LYSMD3: variants seen among roughly 807,000 people sequenced by gnomAD.
The protein encoded by LYSMD3 is lysM and putative peptidoglycan-binding domain-containing protein 3.
LYSMD3 carries 13 observed loss-of-function variants against 26.1 expected under a neutral mutation model. That is an observed-to-expected ratio of 0.50 (90% CI 0.32 to 0.79). The LOEUF (loss-of-function observed/expected upper bound fraction) is 0.79. LYSMD3 is among the 30% of genes least tolerant of loss of function. The pLI is 0.03. For synonymous variants in LYSMD3, 109 were observed against 119.4 expected (o/e 0.91, Z 0.57); for missense variants, 331 against 362.5 (o/e 0.91, Z 0.71).
At chr5:90,524,989 A>T in intron 2 of LYSMD3, 46 bp downstream of exon 2, 1 of 1,440,796 alleles carries the variant, frequency 6.9e-7, no homozygotes, top group Non-Finnish European at 9.4e-7. Context: ...AGTGTGCGTA[A>T]ACAAATAATT....
At position 90,519,398 on chromosome 5, in the gene LYSMD3, G is replaced by A; in HGVS notation, c.342C>T (p.Phe114=). The change falls in exon 3 of 3, where the codon TTC becomes TTT. Residue 114 remains phenylalanine (F), a synonymous_variant. Transcript: ENST00000315948. The part of the protein sequence containing the change: ...LRSIKIPVKK[F]SSLTETLCPP... Reference sequence around the variant, plus strand: ...GACAAAGTGTTTCGGTCAAGGAACTGAACTTTTTTACTGGAATTTTGATAG... The same window carrying A: ...GACAAAGTGTTTCGGTCAAGGAACTAAACTTTTTTACTGGAATTTTGATAG... 1.2e-6 allele frequency: 2 copies of A among 1,613,872 alleles called. No individual in the cohort carries two copies. Among genetic ancestry groups the A allele is most frequent in the Non-Finnish European group, 8.5e-7 (1 of 1,179,918 alleles).
At position 90,518,032 on chromosome 5, in the gene LYSMD3, A is replaced by T. The variant is rs1752991188; in HGVS notation, c.*787T>A. The T allele has an allele frequency of 6.6e-6, 1 of 152,548 alleles. No individual in the cohort carries two copies. The highest frequency in any genetic ancestry group is 2.4e-5 in the African/African-American group (1 of 41,444). The allele number at this position is 152,548 out of a possible 1,614,324, so 9.4% of individuals were successfully genotyped here. A position where few individuals can be genotyped will look rare whatever the true frequency, so the allele number is the denominator to read the frequency against. ...TAAATAATGGTAATATGCACGTTTA[A>T]TATATTTTTCATCATCAAAACTACA... On this transcript the variant is annotated 3_prime_UTR_variant, in exon 3 of 3. Transcript: ENST00000315948.
intron 2 of LYSMD3, among the ~76,000 whole-genome samples, chr5:90,521,823 TCA>T (rs1753095495): frequency 6.6e-6 from 1 of 152,176 alleles, no homozygotes; most frequent in South Asian, 2.1e-4. Context: ...ATTCTTCTCA[TCA>T]CAGTTGTATA....
intron 2 of LYSMD3, among the ~76,000 whole-genome samples, chr5:90,522,183 C>G (rs1480661543): frequency 6.6e-6 from 1 of 152,096 alleles, no homozygotes; most frequent in African/African-American, 2.4e-5. Context: ...TGTGTGGAAC[C>G]TCCTCCCTCA....
At position 90,525,226 on chromosome 5, in the gene LYSMD3, G is replaced by T; in HGVS notation, c.64C>A (p.His22Asn). 6.2e-7 allele frequency: 1 copy of T among 1,613,776 alleles called. No homozygotes were observed. Among genetic ancestry groups the T allele is most frequent in the East Asian group, 2.2e-5 (1 of 44,840 alleles). The change falls in exon 2 of 3, where the codon CAT (histidine) becomes AAT (asparagine). Residue 22 changes from histidine to asparagine, a missense_variant. This residue lies in a region of LYSMD3 where 262 missense variants were observed against 267.3 expected (regional missense o/e 0.98). Transcript: ENST00000315948. ...LPGVQSSGQV[H>N]AFGNCSDSDI... Reference sequence around the variant, plus strand: ...CTGTCTGAACAATTTCCAAATGCATGTACTTGACCACTTGACTGAACTCCT... The same window carrying T: ...CTGTCTGAACAATTTCCAAATGCATTTACTTGACCACTTGACTGAACTCCT...
At chr5:90,528,251 G>A (rs59914982) in intron 1 of LYSMD3, among the ~76,000 whole-genome samples, 3,996 of 152,020 alleles carry the variant, frequency 0.026, 173 homozygotes, top group African/African-American at 0.092. Context: ...ATTCTCAAAA[G>A]GCATCCATGA....
chr5:90,519,495 G>GC lies in LYSMD3; in HGVS notation c.256-12_256-11insG. On this transcript the variant is annotated splice_polypyrimidine_tract_variant and intron_variant, in intron 2 of 2. Coordinates refer to ENST00000315948, the MANE Select transcript of LYSMD3 (RefSeq NM_198273.2). ...CTTGATATCTGCTACCTGTGGGGGG[G>GC]AAAAAAAAGCAACATACAACTGAAT... 1 of 1,556,546 alleles carries GC rather than the reference G, an allele frequency of 6.4e-7. No individual in the cohort carries two copies. The highest frequency in any genetic ancestry group is 8.7e-7 in the Non-Finnish European group (1 of 1,152,112).
intron 1 of LYSMD3, among the ~76,000 whole-genome samples, chr5:90,527,541 G>C (rs1580235549): frequency 6.6e-6 from 1 of 151,892 alleles, no homozygotes; most frequent in African/African-American, 2.4e-5. Context: ...TTTTCCACAA[G>C]GGTGGCTGAG....
intron 2 of LYSMD3, among the ~76,000 whole-genome samples, 196 bp from the exon 3 acceptor site, chr5:90,519,680 TCAC>T (rs1169810133): frequency 1.3e-5 from 2 of 152,150 alleles, no homozygotes; most frequent in Non-Finnish European, 2.9e-5. Context: ...TCTTAGGAAA[TCAC>T]CAACTACTTT....
In LYSMD3 at chr5:90,518,861, A is replaced by G; in HGVS notation, c.879T>C (p.Tyr293=). ...HFSQQDDHKL[Y]SQDSQSPAAQ... ...CAGCAGGTGACTGAGAATCTTGACT[A>G]TACAGTTTATGATCATCTTGTTGGC... The change falls in exon 3 of 3, where the codon TAT becomes TAC. Residue 293 remains tyrosine, a synonymous_variant. Transcript: ENST00000315948. 1 of 1,613,870 alleles carries G rather than the reference A, an allele frequency of 6.2e-7. No individual in the cohort carries two copies. Among genetic ancestry groups the G allele is most frequent in the Non-Finnish European group, 8.5e-7 (1 of 1,179,874 alleles).
chr5:90,522,185 C>G (rs982844380), intron 2 of LYSMD3, among the ~76,000 whole-genome samples: 7 of 152,162 alleles, frequency 4.6e-5, no homozygotes, highest in Non-Finnish European at 8.8e-5. Flanking sequence ...TGTGGAACCT[C>G]CTCCCTCACT....
intron 2 of LYSMD3, among the ~76,000 whole-genome samples, chr5:90,521,416 G>A (rs958740591): frequency 5.9e-5 from 9 of 152,068 alleles, no homozygotes; most frequent in African/African-American, 1.7e-4. Flanking sequence ...AGAATCCACT[G>A]TAGATTCGTG....
chr5:90,525,012 C>T, intron 2 of LYSMD3, 23 bp downstream of exon 2: 1 of 1,520,604 alleles, frequency 6.6e-7, no homozygotes, highest in African/African-American at 1.4e-5. Flanking sequence ...TTCTGAATTG[C>T]ATTATGTAAT....
intron 1 of LYSMD3, 132 bp from the exon 2 acceptor site, chr5:90,525,432 T>C: frequency 1.0e-6 from 1 of 952,860 alleles, no homozygotes; most frequent in Non-Finnish European, 1.5e-6. Context: ...ACATTTAGGT[T>C]TAAGTTCGTT....
At position 90,519,503 on chromosome 5, in the gene LYSMD3, A is replaced by G. The variant is rs1753038582; in HGVS notation, c.256-19T>C. 6.3e-7 allele frequency: 1 copy of G among 1,583,060 alleles called. No individual in the cohort carries two copies. The highest frequency in any genetic ancestry group is 8.6e-7 in the Non-Finnish European group (1 of 1,167,792). ...CTGCTACCTGTGGGGGGGAAAAAAA[A>G]GCAACATACAACTGAATTCCAATCA... On this transcript the variant is annotated intron_variant, in intron 2 of 2. Transcript: ENST00000315948.
In LYSMD3 at chr5:90,518,760, C is replaced by G; in HGVS notation, c.*59G>C. The G allele has an allele frequency of 6.9e-7, 1 of 1,445,564 alleles. No homozygotes were observed. The highest frequency in any genetic ancestry group is 2.3e-5 in the East Asian group (1 of 43,636). 89.5% of individuals were successfully genotyped at this position (1,445,564 alleles called of 1,614,324 possible). ...CCTTTGAAGCTATTATTGGATATAACTGATTCACCACATTCCAGATGCACA... is the reference window on the plus strand; with the variant it reads ...CCTTTGAAGCTATTATTGGATATAAGTGATTCACCACATTCCAGATGCACA... On this transcript the variant is annotated 3_prime_UTR_variant, in exon 3 of 3. Transcript: ENST00000315948.
chr5:90,518,110 C>T lies in LYSMD3; in HGVS notation c.*709G>A, dbSNP rs1283023027. On this transcript the variant is annotated 3_prime_UTR_variant, in exon 3 of 3. Transcript: ENST00000315948. ...TATAATCATTTTAAAAACAGATGCA[C>T]AGAGGTGAGGTTAAAGGGTCTGTCC... The T allele has an allele frequency of 6.6e-6, 1 of 152,132 alleles. No individual in the cohort carries two copies. The highest frequency in any genetic ancestry group is 1.9e-4 in the East Asian group (1 of 5,200). The allele number at this position is 152,132 out of a possible 1,614,324, so 9.4% of individuals were successfully genotyped here.
In LYSMD3 at chr5:90,519,414, AT is replaced by A. The variant is rs1753033854; in HGVS notation, c.325del (p.Ile109PhefsTer3). Reference protein sequence around the residue: ...QDFFALRSIKIPVKKFSSLTE... With the variant: ...QDFFALRSIKXPVKKFSSLTE... ...CAAGGAACTGAACTTTTTTACTGGA[AT>A]TTTGATAGACCTAAGGGCAAAAAAG... On this transcript the variant is annotated frameshift_variant, in exon 3 of 3. Coordinates refer to ENST00000315948, the MANE Select transcript of LYSMD3 (RefSeq NM_198273.2). LOFTEE classifies it high-confidence loss of function. 6.2e-7 allele frequency: 1 copy of A among 1,613,962 alleles called. No individual in the cohort carries two copies.
chr5:90,529,277 G>A (rs1561269453), intron 1 of LYSMD3, 171 bp downstream of exon 1: 1 of 391,358 alleles, frequency 2.6e-6, no homozygotes, highest in Non-Finnish European at 5.1e-6. Context: ...TGGCAGGGCT[G>A]GTCTGGAAGT....
Sources: gnomAD v4.1 joint callset for allele counts (sites outside exome capture counted in the v4.1 genomes callset) on GRCh38, gnomAD v4.1.1 for gene constraint, gnomAD v4.1.1 regional missense constraint, MANE v1.5 for transcripts, NCBI Gene and HGNC (gene_info 2026-07-23, HGNC 2026-07-21) for gene names.